Variants in RNF17 observed in about 807,000 individuals in gnomAD.
RNF17 encodes spermatogenesis associated 23.
Under a neutral mutation model 200.5 loss-of-function variants are expected in RNF17, and 31 were observed. The observed-to-expected ratio is 0.15, with a 90% CI of 0.12 to 0.21. The LOEUF is 0.21. Among genes scored for constraint, RNF17 ranks in the 10% least tolerant of loss-of-function variants. The pLI is 1.00. For missense variants in RNF17, 1,628 were observed against 1,905.1 expected (o/e 0.85, Z 2.71); for synonymous variants, 606 against 637.8 (o/e 0.95, Z 0.75).
Position 24,870,757 on chromosome 13 carries a change from G to A in RNF17, c.4447+18G>A, listed in dbSNP as rs777662184. 1 of 1,607,754 alleles carries A rather than the reference G, an allele frequency of 6.2e-7. No individual in the cohort carries two copies. The highest frequency in any genetic ancestry group is 1.7e-5 in the Admixed American group (1 of 59,502). On this transcript the variant is annotated intron_variant, in intron 32 of 35. Coordinates refer to ENST00000255324, the MANE Select transcript of RNF17 (RefSeq NM_031277.3). ...TAGAACAGGTATACTTACTATATTT[G>A]AATGAAACAGGATACTTAATAAAAC...
At chr13:24,816,492 G>A (rs1440805217) in intron 15 of RNF17, among the ~76,000 whole-genome samples, 1 of 152,114 alleles carries the variant, frequency 6.6e-6, no homozygotes, top group East Asian at 1.9e-4. Context: ...CCAGAGTCAT[G>A]CAAATAATTT....
chr13:24,765,444 T>C (rs976887672), intron 1 of RNF17, among the ~76,000 whole-genome samples: 1 of 152,254 alleles, frequency 6.6e-6, no homozygotes, highest in Admixed American at 6.5e-5. Context: ...GTTTATACTT[T>C]CAAAGTTAAG....
At position 24,853,955 on chromosome 13, in the gene RNF17, T is replaced by C. The variant is rs769165190; in HGVS notation, c.3421T>C (p.Phe1141Leu). 4 of 1,614,016 alleles carry C rather than the reference T, an allele frequency of 2.5e-6. No individual in the cohort carries two copies. The highest frequency in any genetic ancestry group is 2.5e-6 in the Non-Finnish European group (3 of 1,180,012). ...AGTTACTAACTGTATTAAAACTAACTTTGACCCTGACAAGAAAACTGCTGA... is the reference window on the plus strand; with the variant it reads ...AGTTACTAACTGTATTAAAACTAACCTTGACCCTGACAAGAAAACTGCTGA... ...SVVTNCIKTN[F>L]DPDKKTADII... Residue 1141 changes from phenylalanine to leucine, a missense_variant, in exon 25 of 36, where the codon TTT (phenylalanine) becomes CTT (leucine). Physicochemically the swap from Phe to Leu is conservative, Grantham distance 22 (BLOSUM62 0). Around this residue, in one of 5 missense-constraint regions of RNF17, gnomAD observed 609 missense variants for 681.9 expected, o/e 0.89. Coordinates refer to ENST00000255324, the MANE Select transcript of RNF17 (RefSeq NM_031277.3).
At chr13:24,759,637 A>G (rs1878521053), upstream of RNF17, among the ~76,000 whole-genome samples, 1 of 152,210 alleles carries the variant, frequency 6.6e-6, no homozygotes, top group Non-Finnish European at 1.5e-5. Context: ...GACTATCTCT[A>G]GTCAAAAATG....
chr13:24,749,036 G>A, the RNF17 span, among the ~76,000 whole-genome samples: 1 of 152,306 alleles, frequency 6.6e-6, no homozygotes, highest in South Asian at 2.1e-4. Flanking sequence ...TTACAGGCGT[G>A]AGTCACTGCG....
At chr13:24,832,113 G>T in intron 18 of RNF17, 135 bp downstream of exon 18, 1 of 600,236 alleles carries the variant, frequency 1.7e-6, no homozygotes, top group Non-Finnish European at 2.8e-6. Flanking sequence ...TTGAGAATTA[G>T]GTACAATGGA....
chr13:24,821,576 A>G (rs1263103929), intron 15 of RNF17, among the ~76,000 whole-genome samples: 2 of 151,836 alleles, frequency 1.3e-5, no homozygotes, highest in Admixed American at 6.6e-5. Flanking sequence ...AAATTTTCCT[A>G]TCTTCAAGTT....
intron 2 of RNF17, among the ~76,000 whole-genome samples, chr13:24,770,751 C>T (rs1880542090): frequency 6.6e-6 from 1 of 152,152 alleles, no homozygotes; most frequent in African/African-American, 2.4e-5. Flanking sequence ...TAGTAATCTG[C>T]TTTGTTTCTT....
chr13:24,888,152 G>A, the RNF17 span, among the ~76,000 whole-genome samples: 1 of 152,072 alleles, frequency 6.6e-6, no homozygotes, highest in East Asian at 1.9e-4. Context: ...GCGCATAGAA[G>A]AAAATGGTGT....
downstream of RNF17, chr13:24,882,229 TATAG>T (rs67420322): frequency 5.9e-3 from 323 of 54,322 alleles, 69 homozygotes; most frequent in Non-Finnish European, 8.5e-3. Context: ...GATACATCTA[TATAG>T]ATAGATATAT....
downstream of RNF17, among the ~76,000 whole-genome samples, chr13:24,880,592 ACT>A (rs1013837275): frequency 8.5e-5 from 13 of 152,104 alleles, no homozygotes; most frequent in African/African-American, 2.9e-4. Context: ...GGTATGTATA[ACT>A]CTATTCACTT....
intron 15 of RNF17, among the ~76,000 whole-genome samples, chr13:24,818,891 T>G (rs1171307380): frequency 2.6e-5 from 4 of 152,126 alleles, no homozygotes; most frequent in Non-Finnish European, 5.9e-5. Context: ...TTTAAAGTAA[T>G]TACTGATAAG....
At chr13:24,810,937 A>C (rs1205626515) in intron 15 of RNF17, among the ~76,000 whole-genome samples, 1 of 149,926 alleles carries the variant, frequency 6.7e-6, no homozygotes, top group African/African-American at 2.5e-5. Flanking sequence ...CTGGGTTGAA[A>C]ATTCTTTTCT....
chr13:24,833,337 T>A (rs1889634756), intron 18 of RNF17, among the ~76,000 whole-genome samples: 1 of 152,214 alleles, frequency 6.6e-6, no homozygotes, highest in South Asian at 2.1e-4. Context: ...AAGAAATTGT[T>A]CTAAAGAAAT....
At chr13:24,862,382 C>T (rs1053659200) in intron 27 of RNF17, among the ~76,000 whole-genome samples, 9 of 152,128 alleles carry the variant, frequency 5.9e-5, no homozygotes, top group African/African-American at 9.7e-5. Context: ...ATATTGTAGG[C>T]CTTGTACAAG....
chr13:24,772,758 C>T (rs1306180691), intron 2 of RNF17, among the ~76,000 whole-genome samples: 3 of 152,002 alleles, frequency 2.0e-5, no homozygotes, highest in Non-Finnish European at 4.4e-5. Context: ...CTACAGGCGT[C>T]CACCACCACG....
intron 16 of RNF17, 107 bp from the exon 17 acceptor site, chr13:24,830,377 A>G (rs1889254649): frequency 1.6e-6 from 1 of 642,812 alleles, no homozygotes; most frequent in Admixed American, 2.9e-5. Flanking sequence ...TTAAGTTTGT[A>G]TATTGAAGCT....
intron 15 of RNF17, among the ~76,000 whole-genome samples, chr13:24,812,233 C>T (rs547433602): frequency 8.6e-4 from 131 of 151,558 alleles, no homozygotes; most frequent in Middle Eastern, 6.8e-3. Flanking sequence ...GGGCGCCCCT[C>T]CCCCAGCCTC....
At chr13:24,789,602 C>G in intron 8 of RNF17, 96 bp from the exon 9 acceptor site, 1 of 924,744 alleles carries the variant, frequency 1.1e-6, no homozygotes, top group Non-Finnish European at 1.7e-6. Flanking sequence ...TAAATGTTTC[C>G]TTTTCAATTC....
Sources: gnomAD v4.1 joint callset for allele counts (sites outside exome capture counted in the v4.1 genomes callset) on GRCh38, gnomAD v4.1.1 for gene constraint, gnomAD v4.1.1 regional missense constraint, MANE v1.5 for transcripts, NCBI Gene and HGNC (gene_info 2026-07-23, HGNC 2026-07-21) for gene names.